STX2: variants seen among roughly 807,000 people sequenced by gnomAD.
STX2 encodes the protein syntaxin 2, also known as syntaxin-2.
Under a neutral mutation model 40.6 loss-of-function variants are expected in STX2, and 27 were observed. The ratio of observed to expected loss-of-function variants is 0.66; its 90% CI spans 0.49 to 0.92. The LOEUF (loss-of-function observed/expected upper bound fraction) is 0.92, where lower values mean the gene tolerates loss of function less well. STX2 is among the 40% of genes least tolerant of loss of function. The pLI is 0.00. For synonymous variants in STX2, 123 were observed against 119.1 expected (o/e 1.03, Z -0.22); for missense variants, 328 against 366.1 (o/e 0.90, Z 0.85).
rs371246636 is a variant in STX2 at position 130,801,619 on chromosome 12, A to T, written c.464-131T>A. On this transcript the variant is annotated intron_variant, in intron 6 of 10. Coordinates refer to ENST00000392373, the MANE Select transcript of STX2 (RefSeq NM_194356.4). ...TCAGTAATTTTTTTAACCTTTTCTT[A>T]AGCAGATATTGACAATGAGAAGTGA... 40 of 945,320 alleles carry T rather than the reference A, an allele frequency of 4.2e-5. No individual in the cohort carries two copies. In the South Asian group the frequency reaches 5.8e-4, roughly 14 times the overall value. 58.6% of individuals were successfully genotyped at this position (945,320 alleles called of 1,614,324 possible).
At chr12:130,828,265 C>T (rs760359718) in intron 1 of STX2, among the ~76,000 whole-genome samples, 31 of 152,002 alleles carry the variant, frequency 2.0e-4, no homozygotes, top group Non-Finnish European at 4.4e-4. Flanking sequence ...GTCGCCCAGG[C>T]TGGAGTGTGG....
At chr12:130,831,542 C>T (rs1034205392) in intron 1 of STX2, among the ~76,000 whole-genome samples, 3 of 152,008 alleles carry the variant, frequency 2.0e-5, no homozygotes, top group African/African-American at 7.3e-5. Context: ...GTGGCTCACA[C>T]TTGTGAGGAT....
intron 9 of STX2, among the ~76,000 whole-genome samples, chr12:130,798,144 G>A (rs1462434289): frequency 1.3e-5 from 2 of 151,738 alleles, no homozygotes; most frequent in Non-Finnish European, 2.9e-5. Flanking sequence ...CTACTCAGGA[G>A]ACTGAGGCAG....
At chr12:130,812,469 T>C (rs1951698092) in intron 4 of STX2, 2 of 392,478 alleles carry the variant, frequency 5.1e-6, no homozygotes, top group African/African-American at 2.1e-5. Flanking sequence ...TATTTTATCA[T>C]CTGCACAGAG....
Position 130,791,720 on chromosome 12 carries a change from T to TA in STX2, c.*302dup, listed in dbSNP as rs1950881031. 2 of 579,330 alleles carry TA rather than the reference T, an allele frequency of 3.5e-6. No individual in the cohort carries two copies. The highest frequency in any genetic ancestry group is 6.0e-5 in the East Asian group (2 of 33,378). The allele number at this position is 579,330 out of a possible 1,614,324, so 35.9% of individuals were successfully genotyped here. The stretch of plus-strand genomic sequence containing the variant: ...GGTCACGCATCACACCCACTGTGCT[T>TA]ACGGCGCTGTCACTGAACAAGACGT... On this transcript the variant is annotated 3_prime_UTR_variant, in exon 11 of 11. Coordinates refer to ENST00000392373, the MANE Select transcript of STX2 (RefSeq NM_194356.4).
chr12:130,809,012 G>T (rs530702794), intron 4 of STX2, among the ~76,000 whole-genome samples: 1 of 152,146 alleles, frequency 6.6e-6, no homozygotes, highest in Admixed American at 6.5e-5. Flanking sequence ...AATTACAGGC[G>T]TGTGCCACCA....
chr12:130,837,429 G>A (rs80297875), intron 1 of STX2, among the ~76,000 whole-genome samples: 3,599 of 152,192 alleles, frequency 0.024, 149 homozygotes, highest in African/African-American at 0.081. Context: ...GAGTAGCTGG[G>A]ACTACAGGTG....
At position 130,798,537 on chromosome 12, in the gene STX2, GCT is replaced by G; in HGVS notation, c.772_773del (p.Ser258GlnfsTer105). On this transcript the variant is annotated frameshift_variant, in exon 9 of 11. Transcript: ENST00000392373. LOFTEE classifies it high-confidence loss of function. ...EETKKAIKYQ[S>X]KARRKKWIII... ...AAGCCAAACTCACCCTTCTTGCCTT[GCT>G]CTGATATTTGATAGCTTTTTTTGTT... The G allele has an allele frequency of 6.2e-7, 1 of 1,600,810 alleles. No homozygotes were observed. Among genetic ancestry groups the G allele is most frequent in the Non-Finnish European group, 8.5e-7 (1 of 1,176,340 alleles).
intron 10 of STX2, among the ~76,000 whole-genome samples, chr12:130,795,604 C>T (rs1951003995): frequency 6.6e-6 from 1 of 152,096 alleles, no homozygotes; most frequent in African/African-American, 2.4e-5. Flanking sequence ...GCCGAGTGTG[C>T]TGGTGCACGT....
chr12:130,819,886 G>GACT (rs1229829672), intron 3 of STX2, among the ~76,000 whole-genome samples: 1 of 152,208 alleles, frequency 6.6e-6, no homozygotes, highest in African/African-American at 2.4e-5. Context: ...TGGCTGCACG[G>GACT]ACTAGCTCAT....
At chr12:130,801,015 A>G (rs998776540) in intron 8 of STX2, 138 bp downstream of exon 8, 8 of 915,702 alleles carry the variant, frequency 8.7e-6, no homozygotes, top group African/African-American at 8.3e-5. Flanking sequence ...AGCATCACAT[A>G]TAACACTGCA....
intron 1 of STX2, among the ~76,000 whole-genome samples, chr12:130,828,057 T>G (rs1318692242): frequency 6.6e-6 from 1 of 152,192 alleles, no homozygotes; most frequent in Non-Finnish European, 1.5e-5. Context: ...CTTGTCTCAG[T>G]CTCTGCCTCT....
At position 130,808,701 on chromosome 12, in the gene STX2, A is replaced by G. The variant is rs777761942; in HGVS notation, c.284T>C (p.Ile95Thr). The change falls in exon 5 of 11, where the codon ATT (isoleucine) becomes ACT (threonine). Residue 95 changes from isoleucine (I) to threonine (T), a missense_variant. Ile to Thr is a moderately conservative substitution (Grantham distance 89, BLOSUM62 -1). Transcript: ENST00000392373. Reference sequence around the variant, plus strand: ...CTCATCCTGATCAAAACTTTGTTCAATAGCTAGGAACAAATAGGAAATAAT... The same window carrying G: ...CTCATCCTGATCAAAACTTTGTTCAGTAGCTAGGAACAAATAGGAAATAAT... ...ANKIRAKLKAIEQSFDQDESG... is the reference protein window; with the variant it reads ...ANKIRAKLKATEQSFDQDESG... The G allele has an allele frequency of 9.3e-6, 15 of 1,610,218 alleles. No individual in the cohort carries two copies. Among genetic ancestry groups the G allele is most frequent in the Non-Finnish European group, 1.2e-5 (14 of 1,178,592 alleles).
At chr12:130,808,432 C>T (rs6486600) in intron 5 of STX2, among the ~76,000 whole-genome samples, 199 bp downstream of exon 5, 93,912 of 152,104 alleles carry the variant, frequency 0.62, 29,861 homozygotes, top group East Asian at 0.88. Flanking sequence ...TATTTCTTTT[C>T]TCCAAGTGTG....
intron 3 of STX2, among the ~76,000 whole-genome samples, chr12:130,818,145 A>T (rs1297039410): frequency 1.4e-5 from 2 of 139,246 alleles, no homozygotes; most frequent in African/African-American, 5.6e-5. Context: ...GGAGAGGGGT[A>T]ACACAGTGAG....
chr12:130,837,167 G>A (rs1411034578), intron 1 of STX2, among the ~76,000 whole-genome samples: 1 of 150,926 alleles, frequency 6.6e-6, no homozygotes, highest in Non-Finnish European at 1.5e-5. Context: ...GAGTGCAGTG[G>A]CATGGCACAA....
At chr12:130,829,301 A>G (rs1473557231) in intron 1 of STX2, among the ~76,000 whole-genome samples, 2 of 152,186 alleles carry the variant, frequency 1.3e-5, no homozygotes, top group Non-Finnish European at 2.9e-5. Context: ...AGCTCACAAG[A>G]GTTGGCAATT....
chr12:130,800,698 GC>G (rs1315182567), intron 8 of STX2, among the ~76,000 whole-genome samples: 2 of 152,224 alleles, frequency 1.3e-5, no homozygotes, highest in Non-Finnish European at 2.9e-5. Context: ...TAGTCTCACT[GC>G]CATTACACTG....
Position 130,801,294 on chromosome 12 carries a change from G to A in STX2, c.538-4C>T, listed in dbSNP as rs201007643. 2,448 of 1,603,680 alleles carry A rather than the reference G, an allele frequency of 1.5e-3. 5 individuals are homozygous for A. The highest frequency in any genetic ancestry group is 1.9e-3 in the Non-Finnish European group (2,214 of 1,174,796). On this transcript the variant is annotated splice_polypyrimidine_tract_variant and splice_region_variant and intron_variant, in intron 7 of 10. Transcript: ENST00000392373. ...TAATTTGTGAATCTGATATAATCTT[G>A]GAAAAACAAAAATAAAAGATAATAT...
Sources: allele counts gnomAD v4.1 joint callset (sites outside exome capture counted in the v4.1 genomes callset), GRCh38; gene constraint gnomAD v4.1.1; transcripts MANE v1.5; gene names NCBI Gene and HGNC (gene_info 2026-07-23, HGNC 2026-07-21).